Variants in NRG3 observed in about 807,000 individuals in gnomAD.
The protein encoded by NRG3 is neuregulin 3, also known as pro-neuregulin-3, membrane-bound isoform.
NRG3 carries 31 observed loss-of-function variants against 66.9 expected under a neutral mutation model. The observed-to-expected ratio is 0.46, with a 90% CI of 0.35 to 0.63. The LOEUF (loss-of-function observed/expected upper bound fraction) is 0.63, where lower values mean the gene tolerates loss of function less well. Among genes scored for constraint, NRG3 ranks in the 20% least tolerant of loss-of-function variants. NRG3 has a pLI of 0.00. For synonymous variants in NRG3, 393 were observed against 359.4 expected (o/e 1.09, Z -1.06); for missense variants, 910 against 878.9 (o/e 1.04, Z -0.45).
intron 1 of NRG3, chr10:81,878,013 TAC>T: frequency 6.5e-7 from 1 of 1,537,732 alleles, no homozygotes; most frequent in South Asian, 1.2e-5. Context: ...GGAGGGGGAC[TAC>T]ACACGGTAGG....
rs549842424 is a variant in NRG3 at position 82,810,051 on chromosome 10, T to G, written c.1028-55360T>G. Among the ~76,000 whole-genome samples, 13 of 152,258 alleles carry G rather than the reference T, an allele frequency of 8.5e-5. No homozygotes were observed. The South Asian group carries it at 2.7e-3, about 32-fold the overall frequency. ...TTGATATATATAGGATAGGTATTTT[T>G]TACATATTCTGGATACTAATTCCTT... On this transcript the variant is annotated intron_variant, in intron 3 of 8. Transcript: ENST00000372141.
At chr10:82,018,476 T>G (rs953671976) in intron 1 of NRG3, among the ~76,000 whole-genome samples, 3 of 152,164 alleles carry the variant, frequency 2.0e-5, no homozygotes. Flanking sequence ...GTGAAGAAAG[T>G]CATTGGTAGC....
chr10:82,291,776 A>C (rs758628720), intron 1 of NRG3, among the ~76,000 whole-genome samples: 1 of 152,226 alleles, frequency 6.6e-6, no homozygotes, highest in Non-Finnish European at 1.5e-5. Context: ...TCAAACAAAC[A>C]AAAAACCCAA....
chr10:82,001,367 G>A (rs955144425), intron 1 of NRG3, among the ~76,000 whole-genome samples: 9 of 152,032 alleles, frequency 5.9e-5, no homozygotes, highest in Admixed American at 5.9e-4. Flanking sequence ...GCTGGGTTTT[G>A]TGGTGGGCAT....
chr10:82,540,797 G>T (rs181667087), intron 2 of NRG3, among the ~76,000 whole-genome samples: 1 of 152,290 alleles, frequency 6.6e-6, no homozygotes, highest in African/African-American at 2.4e-5. Context: ...TTTGGCTTGA[G>T]ATTGAAGGTA....
At chr10:82,637,102 G>T (rs376479508) in intron 2 of NRG3, among the ~76,000 whole-genome samples, 2 of 152,038 alleles carry the variant, frequency 1.3e-5, no homozygotes, top group African/African-American at 4.8e-5. Context: ...TATGTGAGAC[G>T]ATTTGTTTCA....
intron 1 of NRG3, among the ~76,000 whole-genome samples, chr10:82,084,019 G>A (rs533292345): frequency 1.9e-3 from 288 of 151,860 alleles, no homozygotes; most frequent in Non-Finnish European, 2.9e-3. Context: ...TCTGAGGTTG[G>A]GAGTTCGAGA....
At position 82,078,128 on chromosome 10, in the gene NRG3, T is replaced by A. The variant is rs572240096; in HGVS notation, c.823+201965T>A. The stretch of plus-strand genomic sequence containing the variant: ...AAAAAGTTGAAAATTAAAAAAAAAT[T>A]TTTTTTAATTATTCTATTTACCTAC... On this transcript the variant is annotated intron_variant, in intron 1 of 8. Transcript: ENST00000372141. 5.8e-4 allele frequency among the ~76,000 whole-genome samples: 89 copies of A among 152,246 alleles called. 1 individual carries two copies. Among genetic ancestry groups the A allele is most frequent in the Middle Eastern group, 3.4e-3 (1 of 294 alleles).
At chr10:82,533,104 T>C (rs1024814821) in intron 2 of NRG3, among the ~76,000 whole-genome samples, 7 of 151,870 alleles carry the variant, frequency 4.6e-5, no homozygotes, top group Non-Finnish European at 7.4e-5. Flanking sequence ...TTTTTTTTTT[T>C]CGAGAAATGT....
At chr10:82,149,013 G>A (rs1321632497) in intron 1 of NRG3, among the ~76,000 whole-genome samples, 2 of 151,958 alleles carry the variant, frequency 1.3e-5, no homozygotes, top group Non-Finnish European at 2.9e-5. Flanking sequence ...AATCAACTGA[G>A]GAATGCAGAC....
chr10:82,838,027 G>C (rs1388326067), intron 3 of NRG3, among the ~76,000 whole-genome samples: 1 of 152,148 alleles, frequency 6.6e-6, no homozygotes, highest in African/African-American at 2.4e-5. Flanking sequence ...CAGGAGTGAT[G>C]CTTAATTTGA....
chr10:82,423,538 A>AT (rs200718103), intron 2 of NRG3, among the ~76,000 whole-genome samples: 291 of 151,288 alleles, frequency 1.9e-3, no homozygotes, highest in Non-Finnish European at 3.3e-3. Flanking sequence ...CAAAATGGCA[A>AT]TTTTTTTTTC....
At chr10:81,915,744 A>G (rs1358364094) in intron 1 of NRG3, among the ~76,000 whole-genome samples, 1 of 152,190 alleles carries the variant, frequency 6.6e-6, no homozygotes, top group Middle Eastern at 3.4e-3. Context: ...AGCCTCCTCG[A>G]TGAGAATGCA....
In NRG3 at chr10:81,941,239, T is replaced by A. The variant is rs1207054056; in HGVS notation, c.823+65076T>A. 3.9e-5 allele frequency among the ~76,000 whole-genome samples: 6 copies of A among 152,132 alleles called. No homozygotes were observed. The East Asian group carries it at 1.2e-3, about 29-fold the overall frequency. On this transcript the variant is annotated intron_variant, in intron 1 of 8. Transcript: ENST00000372141. ...GAATATGAAGTAGGAAGATGGCCTG[T>A]GGGGAGATATTATGCATTTTTGTTA...
intron 1 of NRG3, among the ~76,000 whole-genome samples, chr10:82,343,110 A>G (rs2082770375): frequency 6.6e-6 from 1 of 152,068 alleles, no homozygotes; most frequent in Non-Finnish European, 1.5e-5. Flanking sequence ...TAGGGCTCTC[A>G]ATGCTGTAGT....
chr10:82,120,489 C>T (rs2068016254), intron 1 of NRG3, among the ~76,000 whole-genome samples: 4 of 152,086 alleles, frequency 2.6e-5, no homozygotes, highest in Admixed American at 2.6e-4. Context: ...TAATAGAATG[C>T]TGAAATTATA....
At chr10:82,675,203 C>T (rs1414028229) in intron 2 of NRG3, among the ~76,000 whole-genome samples, 14 of 152,048 alleles carry the variant, frequency 9.2e-5, no homozygotes, top group African/African-American at 2.7e-4. Flanking sequence ...GTGGTCCGCC[C>T]ACCTCGGCCT....
chr10:82,614,715 C>T lies in NRG3; in HGVS notation c.954-123862C>T, dbSNP rs370453190. Among the ~76,000 whole-genome samples the T allele has an allele frequency of 7.9e-5, 12 of 152,264 alleles. No individual in the cohort carries two copies. The South Asian group carries it at 1.5e-3, about 18-fold the overall frequency. ...ACAGTCTTAACATTATTCTACTCTA[C>T]TGCTCTAGAAACACTTGTTTTCTCC... On this transcript the variant is annotated intron_variant, in intron 2 of 8. Transcript: ENST00000372141.
chr10:82,624,176 GC>G (rs1389156273), intron 2 of NRG3, among the ~76,000 whole-genome samples: 1 of 152,002 alleles, frequency 6.6e-6, no homozygotes, highest in African/African-American at 2.4e-5. Context: ...ATTCATAAAA[GC>G]CCTCCAGCAG....
Sources: allele counts gnomAD v4.1 joint callset (sites outside exome capture counted in the v4.1 genomes callset), GRCh38; gene constraint gnomAD v4.1.1; transcripts MANE v1.5; gene names NCBI Gene and HGNC (gene_info 2026-07-23, HGNC 2026-07-21).